The following PCDH9 variants were observed in gnomAD, a reference collection of about 807,000 sequenced individuals.
PCDH9 encodes the protein protocadherin 9.
In PCDH9, 24 loss-of-function variants were observed where a neutral mutation model predicts 70.6. The observed-to-expected ratio is 0.34, with a 90% CI of 0.25 to 0.48. The LOEUF (loss-of-function observed/expected upper bound fraction) is 0.48. Among genes scored for constraint, PCDH9 ranks in the 20% least tolerant of loss-of-function variants. The probability of loss-of-function intolerance (pLI) is 0.99; values close to 1 mark genes in which losing one functional copy is unlikely to be tolerated. For missense variants in PCDH9, 1,281 were observed against 1,503.6 expected (o/e 0.85, Z 2.45); for synonymous variants, 562 against 558.5 (o/e 1.01, Z -0.09).
chr13:66,786,360 C>T (rs184614160), intron 3 of PCDH9, among the ~76,000 whole-genome samples: 47 of 152,286 alleles, frequency 3.1e-4, no homozygotes, highest in African/African-American at 1.1e-3. Context: ...TGGCCCAATA[C>T]AATCCAAGGA....
At chr13:66,433,832 T>C (rs1438378903) in intron 4 of PCDH9, among the ~76,000 whole-genome samples, 1 of 151,836 alleles carries the variant, frequency 6.6e-6, no homozygotes, top group African/African-American at 2.4e-5. Context: ...TATTAAACCA[T>C]GTATTGTTCA....
At chr13:66,907,949 C>T (rs2082390816) in intron 2 of PCDH9, among the ~76,000 whole-genome samples, 1 of 152,132 alleles carries the variant, frequency 6.6e-6, no homozygotes, top group African/African-American at 2.4e-5. Flanking sequence ...TATTTAAAAA[C>T]TCCCACTGAA....
intron 4 of PCDH9, among the ~76,000 whole-genome samples, chr13:66,412,007 T>C (rs907333312): frequency 2.0e-5 from 3 of 152,304 alleles, no homozygotes; most frequent in South Asian, 2.1e-4. Context: ...ATGATCTACA[T>C]TGGGAACATA....
At chr13:66,629,159 T>C (rs988224977) in intron 4 of PCDH9, among the ~76,000 whole-genome samples, 1 of 152,240 alleles carries the variant, frequency 6.6e-6, no homozygotes, top group East Asian at 1.9e-4. Context: ...CTACCTAGAA[T>C]TGCACATACT....
chr13:66,726,428 A>G (rs9317606), intron 3 of PCDH9, among the ~76,000 whole-genome samples: 20,845 of 152,188 alleles, frequency 0.14, 1,614 homozygotes, highest in African/African-American at 0.2. Flanking sequence ...TCAGAGGGTA[A>G]TAACAATGGA....
intron 2 of PCDH9, among the ~76,000 whole-genome samples, chr13:67,028,840 C>T (rs1379665648): frequency 2.0e-5 from 3 of 152,000 alleles, no homozygotes; most frequent in Non-Finnish European, 2.9e-5. Context: ...TAAATTTAAA[C>T]AGGAGAACGA....
chr13:66,425,465 G>A (rs1957652544), intron 4 of PCDH9, among the ~76,000 whole-genome samples: 3 of 151,122 alleles, frequency 2.0e-5, no homozygotes, highest in African/African-American at 7.3e-5. Context: ...ATATCTTTAA[G>A]TATTTCAATC....
intron 4 of PCDH9, among the ~76,000 whole-genome samples, chr13:66,608,978 T>A (rs182126384): frequency 3.3e-4 from 50 of 152,318 alleles, no homozygotes; most frequent in African/African-American, 1.2e-3. Context: ...ACTGTCTCAT[T>A]TTCATTCTAG....
At chr13:66,836,985 C>A (rs1031815708) in intron 3 of PCDH9, among the ~76,000 whole-genome samples, 1 of 152,136 alleles carries the variant, frequency 6.6e-6, no homozygotes, top group East Asian at 1.9e-4. Flanking sequence ...CCCAAGTATA[C>A]GCTAAAAATC....
In PCDH9 at chr13:66,525,186, T is replaced by G. The variant is rs141430706; in HGVS notation, c.3340+106024A>C. ...AACGGCAATTTTACAACTTCTCCAC[T>G]CTCTTTAACCCCTGATCTCCAACAG... is the stretch of plus-strand genomic sequence containing the variant. On this transcript the variant is annotated intron_variant, in intron 4 of 4. Coordinates refer to ENST00000377865, the MANE Select transcript of PCDH9 (RefSeq NM_203487.3). Among the ~76,000 whole-genome samples, 1,288 of 152,176 alleles carry G rather than the reference T, an allele frequency of 8.5e-3. 15 individuals are homozygous for G. Among genetic ancestry groups the G allele is most frequent in the South Asian group, 0.036 (171 of 4,808 alleles).
chr13:67,228,310 G>C lies in PCDH9; in HGVS notation c.131C>G (p.Pro44Arg), dbSNP rs2089932744. 6.2e-7 allele frequency: 1 copy of C among 1,614,108 alleles called. No homozygotes were observed. Among genetic ancestry groups the C allele is most frequent in the Non-Finnish European group, 8.5e-7 (1 of 1,180,008 alleles). The change falls in exon 2 of 5, where the codon CCA becomes CGA. Residue 44 changes from proline to arginine, a missense_variant. By Grantham distance (103) the Pro-to-Arg change is moderately radical. Coordinates refer to ENST00000377865, the MANE Select transcript of PCDH9 (RefSeq NM_203487.3). Reference sequence around the variant, plus strand: ...GATGTGAGAAATGTTCAGATCCTTTGGTATGTTTCCTATGGGCACATTTTC... The same window carrying C: ...GATGTGAGAAATGTTCAGATCCTTTCGTATGTTTCCTATGGGCACATTTTC... ...LPENVPIGNI[P>R]KDLNISHINA...
At chr13:67,064,764 A>C (rs1039862167) in intron 2 of PCDH9, among the ~76,000 whole-genome samples, 2 of 152,100 alleles carry the variant, frequency 1.3e-5, no homozygotes, top group East Asian at 1.9e-4. Context: ...ACACATTTTT[A>C]ATGTATTTTA....
intron 2 of PCDH9, among the ~76,000 whole-genome samples, chr13:67,143,028 T>TAAGA (rs778685212): frequency 2.9e-4 from 44 of 149,670 alleles, no homozygotes; most frequent in South Asian, 1.3e-3. Context: ...AAAGAAAAAA[T>TAAGA]AAGAAAGAAA....
intron 4 of PCDH9, among the ~76,000 whole-genome samples, chr13:66,625,356 A>G (rs911217718): frequency 6.6e-6 from 1 of 152,238 alleles, no homozygotes; most frequent in East Asian, 1.9e-4. Context: ...TATTCAAATC[A>G]AATATGTATA....
chr13:67,108,365 G>T (rs943556696), intron 2 of PCDH9, among the ~76,000 whole-genome samples: 2 of 152,144 alleles, frequency 1.3e-5, no homozygotes, highest in African/African-American at 4.8e-5. Context: ...ATAGCTAAAA[G>T]TAACTGATAA....
chr13:66,829,481 A>G (rs1349241071), intron 3 of PCDH9, among the ~76,000 whole-genome samples: 1 of 152,070 alleles, frequency 6.6e-6, no homozygotes, highest in African/African-American at 2.4e-5. Flanking sequence ...GGAACTGGAG[A>G]AAATTATTGG....
At chr13:66,340,262 T>C (rs970782779) in intron 4 of PCDH9, among the ~76,000 whole-genome samples, 18 of 152,206 alleles carry the variant, frequency 1.2e-4, no homozygotes, top group Non-Finnish European at 1.5e-4. Flanking sequence ...TATCGTTTTT[T>C]GTCCTCAACT....
chr13:66,994,048 A>G (rs2084056620), intron 2 of PCDH9, among the ~76,000 whole-genome samples: 1 of 152,192 alleles, frequency 6.6e-6, no homozygotes, highest in Non-Finnish European at 1.5e-5. Context: ...GTAGCCTAGT[A>G]ATGAAAAATT....
intron 3 of PCDH9, among the ~76,000 whole-genome samples, chr13:66,687,672 A>G (rs1683275535): frequency 6.6e-6 from 1 of 152,112 alleles, no homozygotes. Flanking sequence ...TAGATATGCA[A>G]ACCCAAGTAA....
Sources: gnomAD v4.1 joint callset for allele counts (sites outside exome capture counted in the v4.1 genomes callset) on GRCh38, gnomAD v4.1.1 for gene constraint, MANE v1.5 for transcripts, NCBI Gene and HGNC (gene_info 2026-07-23, HGNC 2026-07-21) for gene names.